Variants in STK32B observed in about 807,000 individuals in gnomAD.
STK32B encodes serine/threonine-protein kinase 32B.
A neutral mutation model predicts 52.6 loss-of-function variants in STK32B; 43 were observed. That is an observed-to-expected ratio of 0.82 (90% CI 0.64 to 1.05). STK32B has a LOEUF of 1.05. STK32B is among the 50% of genes least tolerant of loss of function. The pLI is 0.00. For synonymous variants in STK32B, 238 were observed against 204.3 expected (o/e 1.17, Z -1.41); for missense variants, 621 against 534.6 (o/e 1.16, Z -1.59).
At position 5,460,261 on chromosome 4, in the gene STK32B, C is replaced by G; in HGVS notation, c.909+33C>G. The stretch of plus-strand genomic sequence containing the variant: ...GAAGTCCCACCTGATGTCATGCCAC[C>G]CCTCTGCAGGGTCCCCGCCTTGGTG... On this transcript the variant is annotated intron_variant, in intron 9 of 11. Transcript: ENST00000282908. This position sits in a 1 kb window ranked among gnomAD's most constrained non-coding sequence, Gnocchi z 4.8. The G allele has an allele frequency of 3.8e-6, 6 of 1,590,180 alleles. No homozygotes were observed. In the African/African-American group the frequency reaches 4.0e-5, roughly 11 times the overall value.
chr4:5,364,522 A>T (rs1734749376), intron 4 of STK32B, among the ~76,000 whole-genome samples: 1 of 152,160 alleles, frequency 6.6e-6, no homozygotes, highest in African/African-American at 2.4e-5. Flanking sequence ...TTCATATACC[A>T]ACCCAAGAGA....
At chr4:5,217,084 G>A (rs537379337) in intron 3 of STK32B, among the ~76,000 whole-genome samples, 38 of 152,326 alleles carry the variant, frequency 2.5e-4, no homozygotes, top group Admixed American at 3.9e-4. Flanking sequence ...AACTTATGTG[G>A]TAGCATGGAC....
intron 2 of STK32B, among the ~76,000 whole-genome samples, chr4:5,143,140 T>C (rs966678436): frequency 6.6e-6 from 1 of 151,870 alleles, no homozygotes; most frequent in South Asian, 2.1e-4. Context: ...TCTATCTGTC[T>C]GTCTATCTGT....
chr4:5,196,311 T>G (rs981587222), intron 3 of STK32B, among the ~76,000 whole-genome samples: 7 of 147,492 alleles, frequency 4.7e-5, no homozygotes, highest in Non-Finnish European at 9.0e-5. Context: ...TCCCTCTCTT[T>G]CCTCTCCTCT....
At chr4:5,203,307 C>G (rs1025564125) in intron 3 of STK32B, among the ~76,000 whole-genome samples, 1 of 152,132 alleles carries the variant, frequency 6.6e-6, no homozygotes, top group Non-Finnish European at 1.5e-5. Flanking sequence ...TTGTTTCTGA[C>G]GTTCATTCAT....
chr4:5,326,898 C>G (rs1731914685), intron 3 of STK32B, among the ~76,000 whole-genome samples: 1 of 152,174 alleles, frequency 6.6e-6, no homozygotes, highest in South Asian at 2.1e-4. Context: ...ATTTTGCCCA[C>G]AGTAGAACTT....
chr4:5,274,893 G>T (rs1202126280), intron 3 of STK32B, among the ~76,000 whole-genome samples: 1 of 152,164 alleles, frequency 6.6e-6, no homozygotes, highest in Non-Finnish European at 1.5e-5. Flanking sequence ...CCAGCGAGGC[G>T]CCCATTGCCA....
intron 3 of STK32B, among the ~76,000 whole-genome samples, chr4:5,239,425 T>C (rs779357729): frequency 1.3e-5 from 2 of 152,116 alleles, no homozygotes; most frequent in African/African-American, 2.4e-5. Flanking sequence ...TGCAGACCCC[T>C]GCTTGTGGCC....
intron 3 of STK32B, among the ~76,000 whole-genome samples, chr4:5,330,772 A>G (rs1732184161): frequency 6.6e-6 from 1 of 152,234 alleles, no homozygotes; most frequent in Admixed American, 6.5e-5. Context: ...ACTGCATTCA[A>G]GAGTTGCAGA....
chr4:5,112,855 A>G (rs1714479864), intron 1 of STK32B, among the ~76,000 whole-genome samples: 1 of 152,200 alleles, frequency 6.6e-6, no homozygotes, highest in Admixed American at 6.5e-5. Flanking sequence ...GGGGGTTGAC[A>G]GATGAATGTG....
intron 3 of STK32B, among the ~76,000 whole-genome samples, chr4:5,294,338 C>T (rs1729063613): frequency 6.6e-6 from 1 of 151,982 alleles, no homozygotes. Context: ...ATGGGAATAG[C>T]ATTGAATCTA....
In STK32B at chr4:5,171,355, T is replaced by C. The variant is rs1261340969; in HGVS notation, c.260+2905T>C. Among the ~76,000 whole-genome samples, 4 of 151,958 alleles carry C rather than the reference T, an allele frequency of 2.6e-5. No individual in the cohort carries two copies. The East Asian group carries it at 7.7e-4, about 29-fold the overall frequency. ...TTTTGGCTTTTGTTGCCATTGCTTT[T>C]GGTGTTTTAGACATGAAGTCCTTGC... On this transcript the variant is annotated intron_variant, in intron 3 of 11. Transcript: ENST00000282908.
chr4:5,143,101 CTCTGTCTGTCTGTCTGTCTG>C (rs3072779), intron 2 of STK32B, among the ~76,000 whole-genome samples: 1 of 135,568 alleles, frequency 7.4e-6, no homozygotes, highest in African/African-American at 2.7e-5. Context: ...CTGTCTCTGT[CTCTGTCTGTCTGTCTGTCTG>C]TCTGTCTGTC....
chr4:5,142,236 G>C (rs1716529021), intron 2 of STK32B, among the ~76,000 whole-genome samples: 2 of 152,170 alleles, frequency 1.3e-5, no homozygotes, highest in South Asian at 4.1e-4. Context: ...TGGTTGTATG[G>C]ACCAATATAT....
chr4:5,397,479 T>C (rs1439348380), intron 4 of STK32B, among the ~76,000 whole-genome samples: 1 of 152,216 alleles, frequency 6.6e-6, no homozygotes, highest in Non-Finnish European at 1.5e-5. Context: ...ATAATGGTGA[T>C]GTAGAGAAGA....
chr4:5,406,908 A>G (rs1171609525), intron 5 of STK32B, among the ~76,000 whole-genome samples: 3 of 152,082 alleles, frequency 2.0e-5, no homozygotes, highest in African/African-American at 7.3e-5. Context: ...ACTCATACAA[A>G]TTTCTGCAGC....
intron 5 of STK32B, among the ~76,000 whole-genome samples, chr4:5,406,141 G>A (rs1737648302): frequency 1.3e-5 from 2 of 152,126 alleles, no homozygotes; most frequent in African/African-American, 4.8e-5. Context: ...CCTCATGCAA[G>A]TCCAAAACCC....
chr4:5,279,330 T>C (rs571941457), intron 3 of STK32B, among the ~76,000 whole-genome samples: 5 of 152,330 alleles, frequency 3.3e-5, no homozygotes, highest in African/African-American at 4.8e-5. Context: ...CCAAGCCAGT[T>C]TGAAACCCAG....
At chr4:5,145,557 G>A (rs762211183) in intron 2 of STK32B, among the ~76,000 whole-genome samples, 15 of 152,104 alleles carry the variant, frequency 9.9e-5, no homozygotes, top group Non-Finnish European at 2.2e-4. Context: ...AGAGTTGCCT[G>A]TTCTAAAATT....
Sources: gnomAD v4.1 joint callset for allele counts (sites outside exome capture counted in the v4.1 genomes callset) on GRCh38, gnomAD v4.1.1 for gene constraint, Gnocchi (gnomAD v3.1) non-coding constraint, MANE v1.5 for transcripts, NCBI Gene and HGNC (gene_info 2026-07-23, HGNC 2026-07-21) for gene names.